Variants in KCNH7 observed in about 807,000 individuals in gnomAD.
The protein encoded by KCNH7 is potassium voltage-gated channel subfamily H member 7, also known as voltage-gated inwardly rectifying potassium channel KCNH7.
A neutral mutation model predicts 120.8 loss-of-function variants in KCNH7; 49 were observed. The ratio of observed to expected loss-of-function variants is 0.41; its 90% confidence interval spans 0.32 to 0.51. KCNH7 has a LOEUF of 0.51. KCNH7 is among the 20% of genes least tolerant of loss of function. KCNH7 has a pLI of 0.38. For synonymous variants in KCNH7, 547 were observed against 516.1 expected (o/e 1.06, Z -0.81); for missense variants, 1,097 against 1,446.6 (o/e 0.76, Z 3.92).
intron 2 of KCNH7, among the ~76,000 whole-genome samples, chr2:162,699,479 G>A (rs1379651010): frequency 1.3e-5 from 2 of 152,080 alleles, no homozygotes; most frequent in African/African-American, 2.4e-5. Context: ...CTGGATAAGT[G>A]TACAGTACTC....
At chr2:162,686,679 T>C (rs1685904291) in intron 2 of KCNH7, among the ~76,000 whole-genome samples, 1 of 152,142 alleles carries the variant, frequency 6.6e-6, no homozygotes, top group Non-Finnish European at 1.5e-5. Flanking sequence ...TCCTTCGAAA[T>C]GTTTCCCTAA....
At chr2:162,777,814 T>C (rs609485) in intron 2 of KCNH7, among the ~76,000 whole-genome samples, 58,065 of 151,864 alleles carry the variant, frequency 0.38, 11,612 homozygotes, top group African/African-American at 0.5. Flanking sequence ...ATACTATGTA[T>C]TTTATTTGGT....
At chr2:162,376,072 A>C (rs1686164504) in intron 14 of KCNH7, among the ~76,000 whole-genome samples, 1 of 152,172 alleles carries the variant, frequency 6.6e-6, no homozygotes, top group South Asian at 2.1e-4. Context: ...GCGTGAAGTT[A>C]ATATTTTCAT....
chr2:162,373,698 A>C, intron 14 of KCNH7, 36 bp from the exon 15 acceptor site: 10 of 1,360,280 alleles, frequency 7.4e-6, no homozygotes, highest in Non-Finnish European at 9.6e-6. Flanking sequence ...AGACAGTCTA[A>C]AATAGTCCAG....
chr2:162,663,055 A>T (rs1685020224), intron 2 of KCNH7, among the ~76,000 whole-genome samples: 1 of 152,196 alleles, frequency 6.6e-6, no homozygotes, highest in Non-Finnish European at 1.5e-5. Flanking sequence ...GGTTATTAGG[A>T]TGAAAGACAA....
chr2:162,639,627 A>G (rs1448900777), intron 2 of KCNH7, among the ~76,000 whole-genome samples: 1 of 152,162 alleles, frequency 6.6e-6, no homozygotes, highest in Admixed American at 6.6e-5. Context: ...AATATCAGAG[A>G]GTCTGAAAGA....
At chr2:162,661,990 G>A (rs1051282161) in intron 2 of KCNH7, among the ~76,000 whole-genome samples, 3 of 152,026 alleles carry the variant, frequency 2.0e-5, no homozygotes, top group Non-Finnish European at 2.9e-5. Flanking sequence ...TAAGCTGGGC[G>A]CAGTGGCTCA....
intron 2 of KCNH7, among the ~76,000 whole-genome samples, chr2:162,739,256 C>T (rs1475316945): frequency 6.6e-6 from 1 of 152,114 alleles, no homozygotes; most frequent in Non-Finnish European, 1.5e-5. Context: ...TCACCCTAGT[C>T]TTGAGGGCTA....
At chr2:162,720,299 TAAAAAA>T (rs59618789) in intron 2 of KCNH7, among the ~76,000 whole-genome samples, 56 of 97,944 alleles carry the variant, frequency 5.7e-4, no homozygotes, top group East Asian at 2.7e-3. Flanking sequence ...GATGTGTGAT[TAAAAAA>T]AAAAAAAAAA....
chr2:162,755,363 T>C (rs1401706957), intron 2 of KCNH7, among the ~76,000 whole-genome samples: 1 of 151,974 alleles, frequency 6.6e-6, no homozygotes, highest in Non-Finnish European at 1.5e-5. Flanking sequence ...TCCTAGCTAC[T>C]TGGGAGGCTG....
chr2:162,784,124 A>T (rs1683609828), intron 2 of KCNH7, among the ~76,000 whole-genome samples: 1 of 152,190 alleles, frequency 6.6e-6, no homozygotes. Flanking sequence ...TGTAAAATAC[A>T]GACTGCCTGT....
At chr2:162,787,670 A>G (rs574756756) in intron 2 of KCNH7, among the ~76,000 whole-genome samples, 32 of 152,220 alleles carry the variant, frequency 2.1e-4, no homozygotes, top group Non-Finnish European at 4.3e-4. Flanking sequence ...GGCCTGGCCC[A>G]GGACCAGCCC....
chr2:162,754,855 T>C (rs1688729505), intron 2 of KCNH7, among the ~76,000 whole-genome samples: 1 of 152,150 alleles, frequency 6.6e-6, no homozygotes, highest in Non-Finnish European at 1.5e-5. Context: ...AAGCAGCTCT[T>C]GTGGAGTGCT....
chr2:162,382,360 G>T (rs1686443141), intron 13 of KCNH7, among the ~76,000 whole-genome samples: 2 of 152,032 alleles, frequency 1.3e-5, no homozygotes, highest in Non-Finnish European at 2.9e-5. Context: ...GGAGTTCAAA[G>T]GGGAAATCCT....
chr2:162,605,345 T>G lies in KCNH7; in HGVS notation c.308-68265A>C, dbSNP rs375722619. On this transcript the variant is annotated intron_variant, in intron 2 of 15. Coordinates refer to ENST00000332142, the MANE Select transcript of KCNH7 (RefSeq NM_033272.4). ...ATTAATTACTGTCACAGACTACATG[T>G]TAGGCTAGAGTTCACCTTTAGAAAG... Among the ~76,000 whole-genome samples, 8 of 152,250 alleles carry G rather than the reference T, an allele frequency of 5.3e-5. No homozygotes were observed. In the East Asian group the frequency reaches 1.3e-3, roughly 26 times the overall value.
At chr2:162,430,906 G>A (rs866600787) in intron 8 of KCNH7, among the ~76,000 whole-genome samples, 15 of 151,744 alleles carry the variant, frequency 9.9e-5, no homozygotes, top group Middle Eastern at 3.4e-3. Flanking sequence ...ATAAAATTAT[G>A]CTATATGTTA....
chr2:162,519,834 C>A (rs1190144431), intron 3 of KCNH7, among the ~76,000 whole-genome samples: 1 of 151,760 alleles, frequency 6.6e-6, no homozygotes, highest in Non-Finnish European at 1.5e-5. Context: ...GTCATAGACA[C>A]CATTATCTTT....
chr2:162,726,722 T>C (rs185066086), intron 2 of KCNH7, among the ~76,000 whole-genome samples: 1 of 152,134 alleles, frequency 6.6e-6, no homozygotes, highest in African/African-American at 2.4e-5. Context: ...ACCCAGCCTA[T>C]TATTCTTTTT....
intron 7 of KCNH7, among the ~76,000 whole-genome samples, chr2:162,444,952 T>C (rs1688532761): frequency 6.6e-6 from 1 of 152,110 alleles, no homozygotes; most frequent in Admixed American, 6.6e-5. Flanking sequence ...AAGGTAATAT[T>C]ATTATCATCC....
Sources: gnomAD v4.1 joint callset for allele counts (sites outside exome capture counted in the v4.1 genomes callset) on GRCh38, gnomAD v4.1.1 for gene constraint, MANE v1.5 for transcripts, NCBI Gene and HGNC (gene_info 2026-07-23, HGNC 2026-07-21) for gene names.